The following ARFGEF1 variants were observed in gnomAD, a reference collection of about 807,000 sequenced individuals.
ARFGEF1 encodes the protein brefeldin A-inhibited guanine nucleotide-exchange protein 1.
A neutral mutation model predicts 231.0 loss-of-function variants in ARFGEF1; 42 were observed. The ratio of observed to expected loss-of-function variants is 0.18; its 90% CI spans 0.14 to 0.24. The LOEUF is 0.24. Ranked by LOEUF, ARFGEF1 falls within the 10% of genes least tolerant of loss-of-function variation. The pLI, the probability that ARFGEF1 is intolerant of heterozygous loss-of-function variation, is 1.00. For missense variants in ARFGEF1, 1,345 were observed against 2,192.0 expected (o/e 0.61, Z 7.72); for synonymous variants, 710 against 732.3 (o/e 0.97, Z 0.49).
intron 16 of ARFGEF1, 134 bp from the exon 17 acceptor site, chr8:67,257,950 A>G: frequency 8.5e-7 from 1 of 1,183,152 alleles, no homozygotes; most frequent in South Asian, 1.5e-5. Flanking sequence ...GATTTGTTTT[A>G]CGACTTCCAG....
chr8:67,215,841 A>G (rs905379863), intron 33 of ARFGEF1, among the ~76,000 whole-genome samples: 5 of 152,196 alleles, frequency 3.3e-5, no homozygotes, highest in African/African-American at 1.2e-4. Context: ...CTAGGAAACC[A>G]ATACACTGGG....
intron 33 of ARFGEF1, among the ~76,000 whole-genome samples, chr8:67,213,641 A>C (rs1390319615): frequency 2.6e-5 from 4 of 152,348 alleles, no homozygotes; most frequent in East Asian, 1.9e-4. Flanking sequence ...GTTCAGCTGA[A>C]GGTATTTTAT....
intron 1 of ARFGEF1, among the ~76,000 whole-genome samples, chr8:67,318,948 G>A (rs563831826): frequency 6.6e-6 from 1 of 152,254 alleles, no homozygotes; most frequent in South Asian, 2.1e-4. Context: ...CTGAGCAACA[G>A]AACGAGACCC....
chr8:67,216,922 T>A (rs1339567843), intron 32 of ARFGEF1, among the ~76,000 whole-genome samples: 1 of 151,920 alleles, frequency 6.6e-6, no homozygotes, highest in East Asian at 1.9e-4. Flanking sequence ...GAACACTTTC[T>A]GATAAGTTTT....
At chr8:67,253,103 C>T (rs1840349519) in intron 18 of ARFGEF1, among the ~76,000 whole-genome samples, 1 of 152,104 alleles carries the variant, frequency 6.6e-6, no homozygotes, top group Non-Finnish European at 1.5e-5. Flanking sequence ...TCAGTGTTAT[C>T]TTTCTTCAGA....
rs1249758040 is a variant in ARFGEF1 at position 67,198,773 on chromosome 8, G to GGACT, written c.*157_*160dup. On this transcript the variant is annotated 3_prime_UTR_variant, in exon 39 of 39. Transcript: ENST00000262215. ...ACACAAAATCCACCAGCACTAAAAG[G>GGACT]GACTGGAGTGTTGCAAGTTTGAGTA... The GGACT allele has an allele frequency of 3.5e-6, 5 of 1,426,042 alleles. No homozygotes were observed. The highest frequency in any genetic ancestry group is 1.5e-5 in the South Asian group (1 of 66,484). 88.3% of individuals were successfully genotyped at this position (1,426,042 alleles called of 1,614,324 possible).
chr8:67,183,472 ACT>A (rs1833551227), intron 5 of ARFGEF1, among the ~76,000 whole-genome samples: 1 of 152,252 alleles, frequency 6.6e-6, no homozygotes, highest in Admixed American at 6.5e-5. Flanking sequence ...ATGGAAATAA[ACT>A]AGAAATCAAT....
intron 5 of ARFGEF1, among the ~76,000 whole-genome samples, chr8:67,293,754 T>C (rs1427068272): frequency 6.6e-6 from 1 of 152,130 alleles, no homozygotes; most frequent in East Asian, 1.9e-4. Context: ...TTCCACAATG[T>C]ACCGGTGTGA....
At chr8:67,291,347 CATG>C (rs1324838398) in intron 6 of ARFGEF1, among the ~76,000 whole-genome samples, 2 of 151,408 alleles carry the variant, frequency 1.3e-5, no homozygotes, top group East Asian at 3.9e-4. Flanking sequence ...TACTATGCAT[CATG>C]ATTTTAAAAA....
At chr8:67,252,282 C>CA (rs57653248) in intron 18 of ARFGEF1, among the ~76,000 whole-genome samples, 4,871 of 21,814 alleles carry the variant, frequency 0.22, 853 homozygotes, top group East Asian at 0.4. Flanking sequence ...AACTCCATCT[C>CA]AAAAAAAAAA....
At chr8:67,199,167 A>G (rs1221031818) in intron 38 of ARFGEF1, 69 bp from the exon 39 acceptor site, 1 of 1,546,872 alleles carries the variant, frequency 6.5e-7, no homozygotes. Flanking sequence ...GCCTAGAGTC[A>G]AACTACTCTG....
intron 6 of ARFGEF1, among the ~76,000 whole-genome samples, chr8:67,289,455 A>G (rs902194899): frequency 1.3e-5 from 2 of 149,864 alleles, no homozygotes; most frequent in Admixed American, 1.3e-4. Context: ...TTGGGAGGCT[A>G]AGATGGAAGG....
chr8:67,258,002 T>C, intron 16 of ARFGEF1, 83 bp downstream of exon 16: 2 of 1,317,762 alleles, frequency 1.5e-6, no homozygotes, highest in Non-Finnish European at 2.1e-6. Context: ...GATTAGGTCC[T>C]ATTATCTGTA....
intron 2 of ARFGEF1, among the ~76,000 whole-genome samples, chr8:67,301,648 T>C (rs927833503): frequency 3.9e-5 from 6 of 152,194 alleles, no homozygotes; most frequent in Non-Finnish European, 7.3e-5. Flanking sequence ...TTCAAGTTGC[T>C]TCTATTACAG....
In ARFGEF1 at chr8:67,198,744, T is replaced by C; in HGVS notation, c.*190A>G. On this transcript the variant is annotated 3_prime_UTR_variant, in exon 39 of 39. Transcript: ENST00000262215. ...CTTTCTGCTCAACATGAGGCCAATATAACACACAAAATCCACCAGCACTAA... is the reference window on the plus strand; with the variant it reads ...CTTTCTGCTCAACATGAGGCCAATACAACACACAAAATCCACCAGCACTAA... The C allele has an allele frequency of 7.2e-7, 1 of 1,380,758 alleles. No individual in the cohort carries two copies. The highest frequency in any genetic ancestry group is 9.3e-7 in the Non-Finnish European group (1 of 1,070,778). The allele number at this position is 1,380,758 out of a possible 1,614,324, so 85.5% of individuals were successfully genotyped here. A position where few individuals can be genotyped will look rare whatever the true frequency, so the allele number is the denominator to read the frequency against.
At chr8:67,222,192 T>TAC (rs1371435004) in intron 29 of ARFGEF1, among the ~76,000 whole-genome samples, 13 of 139,238 alleles carry the variant, frequency 9.3e-5, no homozygotes, top group African/African-American at 3.7e-4. Context: ...CATATATATA[T>TAC]ATATATATAT....
Position 67,258,319 on chromosome 8 carries a change from T to G in ARFGEF1, c.2236-29A>C, listed in dbSNP as rs765708830. 14 of 1,446,882 alleles carry G rather than the reference T, an allele frequency of 9.7e-6. 1 individual carries two copies. The South Asian group carries it at 1.6e-4, about 17-fold the overall frequency. The allele number at this position is 1,446,882 out of a possible 1,614,324, so 89.6% of individuals were successfully genotyped here. On this transcript the variant is annotated intron_variant, in intron 15 of 38. Coordinates refer to ENST00000262215, the MANE Select transcript of ARFGEF1 (RefSeq NM_006421.5). ...AAGTAAAAACAGAGATAGAAATTGA[T>G]ATTTTCTTTCTTTTTTTTTTTTTTG...
At chr8:67,285,313 A>T (rs1181250601) in intron 7 of ARFGEF1, among the ~76,000 whole-genome samples, 1 of 151,976 alleles carries the variant, frequency 6.6e-6, no homozygotes, top group Non-Finnish European at 1.5e-5. Context: ...AGGCCAGTTC[A>T]AGCCCAGCCT....
At chr8:67,234,929 G>T (rs559270592) in intron 22 of ARFGEF1, among the ~76,000 whole-genome samples, 1 of 151,926 alleles carries the variant, frequency 6.6e-6, no homozygotes, top group Non-Finnish European at 1.5e-5. Flanking sequence ...CGCACAGCAT[G>T]TTACAGGAAT....
Sources: allele counts gnomAD v4.1 joint callset (sites outside exome capture counted in the v4.1 genomes callset), GRCh38; gene constraint gnomAD v4.1.1; transcripts MANE v1.5; gene names NCBI Gene and HGNC (gene_info 2026-07-23, HGNC 2026-07-21).